Variants in ATP5F1C observed in about 807,000 individuals in gnomAD.
The protein encoded by ATP5F1C is ATP synthase F1 subunit gamma.
A neutral mutation model predicts 37.4 loss-of-function variants in ATP5F1C; 22 were observed. The observed-to-expected ratio is 0.59, with a 90% confidence interval of 0.42 to 0.84. The LOEUF (loss-of-function observed/expected upper bound fraction) is 0.84. Ranked by LOEUF, ATP5F1C falls within the 40% of genes least tolerant of loss-of-function variation. ATP5F1C has a pLI of 0.00. For synonymous variants in ATP5F1C, 121 were observed against 128.0 expected (o/e 0.95, Z 0.37); for missense variants, 286 against 362.4 (o/e 0.79, Z 1.71).
At chr10:7,802,478 A>T in intron 7 of ATP5F1C, 53 bp downstream of exon 7, 1 of 1,565,862 alleles carries the variant, frequency 6.4e-7, no homozygotes, top group Non-Finnish European at 8.6e-7. Flanking sequence ...GCACACAGTG[A>T]ATCTCAGCTG....
chr10:7,793,810 C>G (rs1836197539), intron 1 of ATP5F1C, among the ~76,000 whole-genome samples: 1 of 152,176 alleles, frequency 6.6e-6, no homozygotes, highest in Non-Finnish European at 1.5e-5. Flanking sequence ...TTTGTAAAGT[C>G]ATTGTACAGA....
At chr10:7,802,460 G>A (rs1836388059) in intron 7 of ATP5F1C, 35 bp downstream of exon 7, 10 of 1,581,804 alleles carry the variant, frequency 6.3e-6, no homozygotes, top group Non-Finnish European at 8.6e-6. Flanking sequence ...CAGCAGGAGT[G>A]CTTGTGAGCA....
intron 1 of ATP5F1C, 30 bp downstream of exon 1, chr10:7,788,293 A>G (rs1389847343): frequency 6.2e-7 from 1 of 1,609,860 alleles, no homozygotes; most frequent in African/African-American, 1.3e-5. Context: ...GATCGGCAGG[A>G]CCGCAAGGGA....
intron 1 of ATP5F1C, among the ~76,000 whole-genome samples, chr10:7,791,206 A>G (rs918867207): frequency 1.1e-4 from 16 of 152,106 alleles, no homozygotes; most frequent in African/African-American, 2.4e-4. Flanking sequence ...AGGCTGAGGC[A>G]GGAGAATTGC....
intron 1 of ATP5F1C, 77 bp downstream of exon 1, chr10:7,788,340 G>A: frequency 6.4e-7 from 1 of 1,563,692 alleles, no homozygotes. Flanking sequence ...AGGAGGAGAT[G>A]GGCGCGGGGG....
Position 7,807,098 on chromosome 10 carries a change from C to T in ATP5F1C, c.*30+88C>T. 8.5e-6 allele frequency: 11 copies of T among 1,293,942 alleles called. No individual in the cohort carries two copies. The South Asian group carries it at 1.6e-4, about 19-fold the overall frequency. The allele number at this position is 1,293,942 out of a possible 1,614,324, so 80.2% of individuals were successfully genotyped here. On this transcript the variant is annotated intron_variant, in intron 9 of 9. Coordinates refer to ENST00000356708, the MANE Select transcript of ATP5F1C (RefSeq NM_001001973.3). ...GCTAATTTAGTAATCCTAGAATTGT[C>T]CTCTGAGAGATTTAGATGGATGGGC...
intron 2 of ATP5F1C, 175 bp downstream of exon 2, chr10:7,796,330 G>T: frequency 2.0e-6 from 1 of 503,594 alleles, no homozygotes; most frequent in Non-Finnish European, 3.5e-6. Context: ...CAGTAAGAAA[G>T]GACACCTGAG....
chr10:7,802,961 T>C (rs2131075017), intron 8 of ATP5F1C, 107 bp downstream of exon 8: 3 of 871,538 alleles, frequency 3.4e-6, no homozygotes, highest in Non-Finnish European at 5.3e-6. Flanking sequence ...AAGTTGAAAC[T>C]CATTGCTGAA....
rs1224224739 is a variant in ATP5F1C at position 7,799,141 on chromosome 10, G to C, written c.375G>C (p.Gly125=). 14 of 1,613,928 alleles carry C rather than the reference G, an allele frequency of 8.7e-6. No homozygotes were observed. The highest frequency in any genetic ancestry group is 1.2e-5 in the Non-Finnish European group (14 of 1,180,000). ...AGGTTGCTACACTAACAGCAGCTGGGAAAGAAGTTATGCTTGTTGGAATTG... is the reference window on the plus strand; with the variant it reads ...AGGTTGCTACACTAACAGCAGCTGGCAAAGAAGTTATGCTTGTTGGAATTG... ...KSEVATLTAA[G]KEVMLVGIGD... is the part of the protein sequence containing the mutation. Residue 125 remains glycine (G), a synonymous_variant, in exon 4 of 10, where the codon GGG becomes GGC. Transcript: ENST00000356708.
At chr10:7,794,908 A>C (rs1362675274) in intron 1 of ATP5F1C, among the ~76,000 whole-genome samples, 1 of 152,140 alleles carries the variant, frequency 6.6e-6, no homozygotes, top group East Asian at 1.9e-4. Context: ...ATGCTTGCAA[A>C]TCTAGTCTCC....
intron 3 of ATP5F1C, among the ~76,000 whole-genome samples, chr10:7,798,302 T>C (rs1836280124): frequency 6.6e-6 from 1 of 151,814 alleles, no homozygotes; most frequent in Non-Finnish European, 1.5e-5. Flanking sequence ...AATGGTGCAA[T>C]CTCAGCTCAC....
chr10:7,803,069 T>G (rs182935561), intron 8 of ATP5F1C, among the ~76,000 whole-genome samples: 208 of 152,328 alleles, frequency 1.4e-3, no homozygotes, highest in African/African-American at 4.7e-3. Context: ...GGCTTAGTTT[T>G]CGGTTTTCTA....
chr10:7,793,104 T>A (rs919242299), intron 1 of ATP5F1C, among the ~76,000 whole-genome samples: 1 of 152,188 alleles, frequency 6.6e-6, no homozygotes, highest in Non-Finnish European at 1.5e-5. Flanking sequence ...CTTTTTGCCA[T>A]CTGGTTGGTT....
intron 1 of ATP5F1C, among the ~76,000 whole-genome samples, chr10:7,793,881 A>G (rs1252073265): frequency 6.6e-6 from 1 of 152,238 alleles, no homozygotes; most frequent in Non-Finnish European, 1.5e-5. Context: ...TGAAAAGAAT[A>G]TCCTTTTTTC....
chr10:7,801,579 C>G (rs1475662), intron 6 of ATP5F1C: 46,830 of 152,138 alleles, frequency 0.31, 8,024 homozygotes, highest in Non-Finnish European at 0.39. Flanking sequence ...GGTTGAGTAT[C>G]CCTTGTGTGA....
chr10:7,804,204 G>T (rs746518471), intron 8 of ATP5F1C: 11 of 518,756 alleles, frequency 2.1e-5, no homozygotes, highest in Non-Finnish European at 4.2e-5. Context: ...AATACTTGCT[G>T]TGTGGCCCTT....
At chr10:7,804,341 C>A (rs1415485712) in intron 8 of ATP5F1C, among the ~76,000 whole-genome samples, 2 of 152,216 alleles carry the variant, frequency 1.3e-5, no homozygotes, top group African/African-American at 4.8e-5. Context: ...GTCACCAGCA[C>A]TCTTCCCAGT....
intron 1 of ATP5F1C, among the ~76,000 whole-genome samples, chr10:7,793,327 G>T (rs1002341183): frequency 2.0e-5 from 3 of 152,228 alleles, no homozygotes; most frequent in African/African-American, 7.2e-5. Context: ...TGGTCAGGCT[G>T]GTCTCGGAAC....
intron 1 of ATP5F1C, among the ~76,000 whole-genome samples, 189 bp downstream of exon 1, chr10:7,788,452 A>C (rs1408016336): frequency 1.3e-5 from 2 of 152,206 alleles, no homozygotes; most frequent in African/African-American, 4.8e-5. Context: ...AGGTGTGCGC[A>C]GGGCCGGGCT....
Sources: gnomAD v4.1 joint callset for allele counts (sites outside exome capture counted in the v4.1 genomes callset) on GRCh38, gnomAD v4.1.1 for gene constraint, MANE v1.5 for transcripts, NCBI Gene and HGNC (gene_info 2026-07-23, HGNC 2026-07-21) for gene names.